Variants in CCDC178 observed in about 807,000 individuals in gnomAD.
CCDC178 encodes the protein coiled-coil domain-containing protein 178.
A neutral mutation model predicts 117.4 loss-of-function variants in CCDC178; 126 were observed. The observed-to-expected ratio is 1.07, with a 90% CI of 0.93 to 1.24. The LOEUF (loss-of-function observed/expected upper bound fraction) is 1.24. CCDC178 is among the 50% of genes most tolerant of loss of function. The pLI is 0.00. For missense variants in CCDC178, 1,030 were observed against 986.9 expected (o/e 1.04, Z -0.59); for synonymous variants, 283 against 313.4 (o/e 0.90, Z 1.02).
At chr18:33,396,388 G>A (rs2063637338) in intron 4 of CCDC178, among the ~76,000 whole-genome samples, 1 of 151,960 alleles carries the variant, frequency 6.6e-6, no homozygotes, top group African/African-American at 2.4e-5. Flanking sequence ...AAAATAATTT[G>A]GCATTATCAA....
At chr18:33,069,933 A>T (rs2057080085) in intron 21 of CCDC178, among the ~76,000 whole-genome samples, 1 of 152,110 alleles carries the variant, frequency 6.6e-6, no homozygotes, top group African/African-American at 2.4e-5. Flanking sequence ...AATGCTAAAC[A>T]TTACTAATTA....
chr18:33,357,004 C>CTT (rs78171877), intron 6 of CCDC178, among the ~76,000 whole-genome samples: 5 of 144,398 alleles, frequency 3.5e-5, no homozygotes, highest in African/African-American at 1.0e-4. Flanking sequence ...AGAACTTTGG[C>CTT]TTTTTTTTTT....
intron 21 of CCDC178, among the ~76,000 whole-genome samples, chr18:32,988,977 G>A (rs896707399): frequency 3.0e-4 from 46 of 151,956 alleles, no homozygotes; most frequent in African/African-American, 1.1e-3. Context: ...GTTTAAAATT[G>A]CCCTCATACA....
chr18:33,304,114 T>C (rs1044920392), intron 11 of CCDC178, among the ~76,000 whole-genome samples: 15 of 152,222 alleles, frequency 9.9e-5, no homozygotes, highest in African/African-American at 3.1e-4. Flanking sequence ...GGAGCCTGCA[T>C]TGGCTATCCG....
intron 20 of CCDC178, among the ~76,000 whole-genome samples, chr18:33,207,706 A>T (rs2059061676): frequency 1.3e-5 from 2 of 152,162 alleles, no homozygotes; most frequent in African/African-American, 4.8e-5. Flanking sequence ...TTGATTGTCA[A>T]TGCAGAAAAT....
chr18:33,163,964 C>A (rs2058496523), intron 20 of CCDC178, among the ~76,000 whole-genome samples: 1 of 152,114 alleles, frequency 6.6e-6, no homozygotes, highest in Non-Finnish European at 1.5e-5. Flanking sequence ...GCAATTCAAT[C>A]CATGGCTGAT....
intron 20 of CCDC178, among the ~76,000 whole-genome samples, chr18:33,206,706 A>G (rs546320226): frequency 3.3e-5 from 5 of 152,304 alleles, no homozygotes; most frequent in African/African-American, 1.2e-4. Flanking sequence ...TTTCTTCAGA[A>G]AAGAGCCAAG....
At chr18:33,245,044 T>G (rs2059531859) in intron 15 of CCDC178, among the ~76,000 whole-genome samples, 2 of 151,986 alleles carry the variant, frequency 1.3e-5, no homozygotes, top group Admixed American at 6.6e-5. Context: ...AATTGTGGAT[T>G]AGCTACATTG....
chr18:33,239,181 G>A (rs2059458362), intron 15 of CCDC178, among the ~76,000 whole-genome samples: 1 of 151,958 alleles, frequency 6.6e-6, no homozygotes, highest in Non-Finnish European at 1.5e-5. Context: ...AAAACTATAA[G>A]ACTCACTGGC....
intron 20 of CCDC178, among the ~76,000 whole-genome samples, chr18:33,140,707 A>C: frequency 6.6e-6 from 1 of 150,394 alleles, no homozygotes; most frequent in Admixed American, 6.6e-5. Flanking sequence ...CTTGTCTCAG[A>C]TGAGACATTG....
chr18:33,371,314 CTT>C (rs780004547), intron 5 of CCDC178, among the ~76,000 whole-genome samples: 1 of 151,504 alleles, frequency 6.6e-6, no homozygotes, highest in Admixed American at 6.6e-5. Flanking sequence ...TATAAATGAC[CTT>C]TTTATGAGCA....
intron 14 of CCDC178, among the ~76,000 whole-genome samples, chr18:33,245,880 TG>T (rs2144692422): frequency 6.6e-6 from 1 of 151,980 alleles, no homozygotes; most frequent in African/African-American, 2.4e-5. Context: ...TTTTTGTAGG[TG>T]GGATGTCCTG....
chr18:33,139,592 T>A (rs940154482), intron 20 of CCDC178, among the ~76,000 whole-genome samples: 2 of 152,144 alleles, frequency 1.3e-5, no homozygotes, highest in Admixed American at 6.5e-5. Context: ...CCCTAGAGAT[T>A]TGTGGAACTT....
chr18:33,058,948 A>G (rs1422723374), intron 21 of CCDC178, among the ~76,000 whole-genome samples: 3 of 152,190 alleles, frequency 2.0e-5, no homozygotes, highest in Non-Finnish European at 2.9e-5. Context: ...TTGGAATTTC[A>G]TCATAAATAT....
intron 21 of CCDC178, among the ~76,000 whole-genome samples, chr18:33,079,832 G>C (rs2057269514): frequency 6.6e-6 from 1 of 152,200 alleles, no homozygotes; most frequent in African/African-American, 2.4e-5. Flanking sequence ...TGGTGGGAGT[G>C]TAAGTTAGTT....
intron 11 of CCDC178, among the ~76,000 whole-genome samples, chr18:33,296,924 T>A (rs2062112851): frequency 6.6e-6 from 1 of 152,074 alleles, no homozygotes; most frequent in African/African-American, 2.4e-5. Flanking sequence ...CTCGGGAGGC[T>A]GAAACCAGAG....
At chr18:33,067,326 T>C (rs950676202) in intron 21 of CCDC178, among the ~76,000 whole-genome samples, 1 of 151,862 alleles carries the variant, frequency 6.6e-6, no homozygotes, top group Non-Finnish European at 1.5e-5. Flanking sequence ...AAATACAACA[T>C]ACAAAAAGCT....
At chr18:33,240,668 C>T (rs546994446) in intron 15 of CCDC178, among the ~76,000 whole-genome samples, 3 of 151,724 alleles carry the variant, frequency 2.0e-5, no homozygotes, top group Non-Finnish European at 4.4e-5. Flanking sequence ...AAAAGGAAAA[C>T]GTAAGCAGGC....
intron 21 of CCDC178, among the ~76,000 whole-genome samples, chr18:33,031,561 A>G (rs2056343825): frequency 6.6e-6 from 1 of 152,126 alleles, no homozygotes; most frequent in East Asian, 1.9e-4. Flanking sequence ...AAAACGCACA[A>G]GTATATATTT....
Sources: gnomAD v4.1 joint callset for allele counts (sites outside exome capture counted in the v4.1 genomes callset) on GRCh38, gnomAD v4.1.1 for gene constraint, MANE v1.5 for transcripts, NCBI Gene and HGNC (gene_info 2026-07-23, HGNC 2026-07-21) for gene names.